Variants in POLR3E observed in about 807,000 individuals in gnomAD.
The protein encoded by POLR3E is RNA polymerase III subunit E, also known as DNA-directed RNA polymerase III subunit RPC5.
In POLR3E, 41 loss-of-function variants were observed where a neutral mutation model predicts 96.6. That is an observed-to-expected ratio of 0.42 (90% CI 0.33 to 0.55). The LOEUF is 0.55. POLR3E is among the 20% of genes least tolerant of loss of function. The pLI is 0.06. For synonymous variants in POLR3E, 396 were observed against 383.6 expected, an observed-to-expected ratio of 1.03 and a Z score of -0.38; for missense variants, 849 against 952.1, an observed-to-expected ratio of 0.89 and a Z score of 1.43.
rs112601847 is a variant in POLR3E at position 22,318,676 on chromosome 16, T to C, written c.866-150T>C. 1.4e-6 allele frequency: 1 copy of C among 697,340 alleles called. No individual in the cohort carries two copies. The allele number at this position is 697,340 out of a possible 1,614,324, so 43.2% of individuals were successfully genotyped here. On this transcript the variant is annotated intron_variant, in intron 12 of 20. Transcript: ENST00000299853. The surrounding 1 kb of genome is among the most constrained non-coding windows in gnomAD (Gnocchi z 5.0). Reference sequence around the variant, plus strand: ...TGGCATGTAGTGAGCAGCCTGAGAGTGTCAGCTGTTGGCTATGATGGGTGT... The same window carrying C: ...TGGCATGTAGTGAGCAGCCTGAGAGCGTCAGCTGTTGGCTATGATGGGTGT...
intron 18 of POLR3E, 28 bp downstream of exon 18, chr16:22,326,306 A>G: frequency 4.9e-6 from 2 of 411,194 alleles, no homozygotes; most frequent in Non-Finnish European, 4.8e-6. Context: ...TGCCAGGGGC[A>G]TGGGGGGTGG....
At chr16:22,316,135 C>T (rs1048010788) in intron 9 of POLR3E, among the ~76,000 whole-genome samples, 4 of 152,126 alleles carry the variant, frequency 2.6e-5, no homozygotes, top group African/African-American at 4.8e-5. Context: ...CCCTTAGACT[C>T]GGGGTCAAAC....
At chr16:22,298,917 T>C (rs2047963672) in intron 1 of POLR3E, 1 of 454,124 alleles carries the variant, frequency 2.2e-6, no homozygotes, top group Admixed American at 2.4e-5. Flanking sequence ...CATAACAGCT[T>C]TGATGAAGTA....
chr16:22,313,722 A>C lies in POLR3E; in HGVS notation c.467A>C (p.Asn156Thr). The stretch of plus-strand genomic sequence containing the variant: ...AAGCACCGGGAGAGGGAGGCGGCCA[A>C]CGAGGGTGAGCCCGGGATCCCCAGC... ...DAKHREREAANEAGDSSQDEA... is the reference protein window; with the variant it reads ...DAKHREREAATEAGDSSQDEA... Residue 156 changes from asparagine (N) to threonine (T), a missense_variant, in exon 7 of 21, where the codon AAC (asparagine) becomes ACC (threonine). Transcript: ENST00000299853. This position sits in a 1 kb window ranked among gnomAD's most constrained non-coding sequence, Gnocchi z 4.1. 1 of 1,608,988 alleles carries C rather than the reference A, an allele frequency of 6.2e-7. No homozygotes were observed. The highest frequency in any genetic ancestry group is 1.1e-5 in the South Asian group (1 of 91,010).
chr16:22,300,651 C>G (rs1231831099), intron 1 of POLR3E, among the ~76,000 whole-genome samples: 1 of 152,218 alleles, frequency 6.6e-6, no homozygotes, highest in Non-Finnish European at 1.5e-5. Flanking sequence ...CTACACTGCC[C>G]TCTGTCTGCA....
Position 22,318,470 on chromosome 16 carries a change from T to C in POLR3E, c.866-356T>C, listed in dbSNP as rs1392144140. Among the ~76,000 whole-genome samples the C allele has an allele frequency of 6.6e-6, 1 of 152,176 alleles. No homozygotes were observed. The highest frequency in any genetic ancestry group is 1.5e-5 in the Non-Finnish European group (1 of 68,016). On this transcript the variant is annotated intron_variant, in intron 12 of 20. Transcript: ENST00000299853. The surrounding 1 kb of genome is among the most constrained non-coding windows in gnomAD (Gnocchi z 5.0). ...GAGCACAGTGATTGAGGGTACCAAGTGGAGCCAAGTGGCTTGGGTTCACTT... is the reference window on the plus strand; with the variant it reads ...GAGCACAGTGATTGAGGGTACCAAGCGGAGCCAAGTGGCTTGGGTTCACTT...
intron 14 of POLR3E, among the ~76,000 whole-genome samples, chr16:22,323,810 A>G (rs2048519565): frequency 6.6e-6 from 1 of 152,128 alleles, no homozygotes; most frequent in South Asian, 2.1e-4. Flanking sequence ...GGTGTGGTCC[A>G]GTCTATGTTA....
rs189913198 is a variant in POLR3E, at chr16:22,313,003, G to T, written c.365-617G>T. On this transcript the variant is annotated intron_variant, in intron 6 of 20. Coordinates refer to ENST00000299853, the MANE Select transcript of POLR3E (RefSeq NM_018119.4). The surrounding 1 kb of genome is among the most constrained non-coding windows in gnomAD (Gnocchi z 4.1). ...TCAAAAGTAGTGTCATATAACTCGC[G>T]CGTTCTGTTTAGAACCCATGTCTCA... is the stretch of plus-strand genomic sequence containing the variant. Among the ~76,000 whole-genome samples, 8 of 151,762 alleles carry T rather than the reference G, an allele frequency of 5.3e-5. No homozygotes were observed. The East Asian group carries it at 1.5e-3, about 29-fold the overall frequency.
intron 19 of POLR3E, among the ~76,000 whole-genome samples, chr16:22,329,490 G>A (rs2048691335): frequency 6.6e-6 from 1 of 152,066 alleles, no homozygotes; most frequent in Non-Finnish European, 1.5e-5. Flanking sequence ...ACCGTGTCTA[G>A]GCCCTGCTCC....
At chr16:22,332,285 C>T (rs2048757411) in intron 20 of POLR3E, 100 bp downstream of exon 20, 1 of 1,093,058 alleles carries the variant, frequency 9.1e-7, no homozygotes, top group South Asian at 1.5e-5. Context: ...TGAAATCAGG[C>T]TTCCTTGGGA....
At chr16:22,329,268 G>A (rs887732038) in intron 19 of POLR3E, among the ~76,000 whole-genome samples, 7 of 152,168 alleles carry the variant, frequency 4.6e-5, no homozygotes, top group African/African-American at 1.2e-4. Flanking sequence ...TTCCTTGTCA[G>A]ATGTCAGGTC....
chr16:22,312,814 C>T lies in POLR3E; in HGVS notation c.365-806C>T, dbSNP rs1328055684. ...CCGGGGAGGTGGAGGTTGCACTGAG[C>T]CGAGATCATGGCACTGCACTCTGCA... is the stretch of plus-strand genomic sequence containing the variant. On this transcript the variant is annotated intron_variant, in intron 6 of 20. Coordinates refer to ENST00000299853, the MANE Select transcript of POLR3E (RefSeq NM_018119.4). Among the ~76,000 whole-genome samples the T allele has an allele frequency of 8.2e-5, 12 of 145,730 alleles. No individual in the cohort carries two copies. The Admixed American group carries it at 8.6e-4, about 10-fold the overall frequency.
At chr16:22,319,539 CA>C (rs1205719842) in intron 13 of POLR3E, among the ~76,000 whole-genome samples, 3 of 150,980 alleles carry the variant, frequency 2.0e-5, no homozygotes, top group East Asian at 2.0e-4. Context: ...GCTGGGACTA[CA>C]AGGCACCCGC....
chr16:22,316,907 C>T (rs2048367198), intron 10 of POLR3E, 88 bp from the exon 11 acceptor site: 1 of 1,443,648 alleles, frequency 6.9e-7, no homozygotes, highest in African/African-American at 1.4e-5. Flanking sequence ...CTGTCTGCAC[C>T]CTCTCCCCAG....
In POLR3E at chr16:22,322,104, A is replaced by G. The variant is rs2048482322; in HGVS notation, c.987-746A>G. ...CGCTGTGGTGGCAGCGATGAGCCAC[A>G]TCGGCAGAGTCCGTGTCCCCACAGA... On this transcript the variant is annotated intron_variant, in intron 13 of 20. Transcript: ENST00000299853. The surrounding 1 kb of genome is among the most constrained non-coding windows in gnomAD (Gnocchi z 5.2). 2.0e-5 allele frequency among the ~76,000 whole-genome samples: 3 copies of G among 152,204 alleles called. No individual in the cohort carries two copies. Among genetic ancestry groups the G allele is most frequent in the Non-Finnish European group, 4.4e-5 (3 of 68,024 alleles).
Position 22,326,007 on chromosome 16 carries a change from ACGGGCTGCCTCTCGGG to A in POLR3E, c.1604_1619del (p.Pro535ArgfsTer23), listed in dbSNP as rs1247825217. Reference sequence around the variant, plus strand: ...AGCGGCCTCCACAGCAAGCTGGCCAACGGGCTGCCTCTCGGGCGGGCTGCGGGCACAGACAGCTTCA... The same window carrying A: ...AGCGGCCTCCACAGCAAGCTGGCCAACGGGCTGCGGGCACAGACAGCTTCA... On this transcript the variant is annotated frameshift_variant, in exon 18 of 21. Coordinates refer to ENST00000299853, the MANE Select transcript of POLR3E (RefSeq NM_018119.4). LOFTEE classifies it high-confidence loss of function. 2 of 1,597,430 alleles carry A rather than the reference ACGGGCTGCCTCTCGGG, an allele frequency of 1.3e-6. No individual in the cohort carries two copies.
intron 17 of POLR3E, 82 bp downstream of exon 17, chr16:22,325,348 C>A (rs1019792262): frequency 1.8e-6 from 2 of 1,142,764 alleles, no homozygotes; most frequent in African/African-American, 1.5e-5. Context: ...GCTTGTCAGG[C>A]CCGGACCTGG....
intron 3 of POLR3E, among the ~76,000 whole-genome samples, chr16:22,305,932 C>A (rs2048124472): frequency 1.3e-5 from 2 of 152,266 alleles, no homozygotes; most frequent in South Asian, 4.1e-4. Context: ...ACACAGTTTC[C>A]CCATTTCAGT....
At position 22,317,144 on chromosome 16, in the gene POLR3E, T is replaced by C. The variant is rs1376235154; in HGVS notation, c.803T>C (p.Leu268Pro). The change falls in exon 12 of 21, where the codon CTG becomes CCG. Residue 268 changes from leucine to proline, a missense_variant. Coordinates refer to ENST00000299853, the MANE Select transcript of POLR3E (RefSeq NM_018119.4). ...AAGCCTGTGGCCCCCAGCAACGTCC[T>C]GTCGATGGCCCAGCTGCGCACGCTG... ...KDKPVAPSNV[L>P]SMAQLRTLPL... 10 of 1,614,014 alleles carry C rather than the reference T, an allele frequency of 6.2e-6. No individual in the cohort carries two copies. Among genetic ancestry groups the C allele is most frequent in the Non-Finnish European group, 8.5e-6 (10 of 1,179,998 alleles).
Sources: gnomAD v4.1 joint callset for allele counts (sites outside exome capture counted in the v4.1 genomes callset) on GRCh38, gnomAD v4.1.1 for gene constraint, Gnocchi (gnomAD v3.1) non-coding constraint, MANE v1.5 for transcripts, NCBI Gene and HGNC (gene_info 2026-07-23, HGNC 2026-07-21) for gene names.